ERBB4: variants seen among roughly 807,000 people sequenced by gnomAD.
ERBB4 encodes receptor tyrosine-protein kinase erbB-4.
ERBB4 carries 42 observed loss-of-function variants against 158.0 expected under a neutral mutation model. That is an observed-to-expected ratio of 0.27 (90% CI 0.21 to 0.34). ERBB4 has a LOEUF of 0.34. ERBB4 is among the 10% of genes least tolerant of loss of function. The probability of loss-of-function intolerance (pLI) is 1.00; values close to 1 mark genes in which losing one functional copy is unlikely to be tolerated. For missense variants in ERBB4, 1,333 were observed against 1,624.1 expected (o/e 0.82, Z 3.08); for synonymous variants, 583 against 558.7 (o/e 1.04, Z -0.61).
chr2:212,104,813 A>C (rs1034981971), intron 2 of ERBB4, among the ~76,000 whole-genome samples: 1 of 152,172 alleles, frequency 6.6e-6, no homozygotes, highest in Non-Finnish European at 1.5e-5. Flanking sequence ...TTTTTATTTC[A>C]AAATTGAAAA....
At chr2:212,327,728 C>CTTTTTTTTTTTTTTTTTTT (rs11413473) in intron 1 of ERBB4, among the ~76,000 whole-genome samples, 2 of 133,370 alleles carry the variant, frequency 1.5e-5, no homozygotes, top group Non-Finnish European at 3.1e-5. Flanking sequence ...TTCTTTTTTT[C>CTTTTTTTTTTTTTTTTTTT]TTTTTTTTTT....
intron 2 of ERBB4, among the ~76,000 whole-genome samples, chr2:212,053,686 C>T (rs2077468874): frequency 6.6e-6 from 1 of 152,178 alleles, no homozygotes; most frequent in Admixed American, 6.5e-5. Context: ...CCTCCCCTTC[C>T]AGCTTATGTC....
chr2:212,130,675 T>C (rs2080083457), intron 1 of ERBB4, among the ~76,000 whole-genome samples: 2 of 152,150 alleles, frequency 1.3e-5, no homozygotes, highest in African/African-American at 4.8e-5. Flanking sequence ...ATCAAATGCC[T>C]ATTGCGAGAT....
At chr2:212,476,620 T>C (rs986290090) in intron 1 of ERBB4, among the ~76,000 whole-genome samples, 1 of 152,154 alleles carries the variant, frequency 6.6e-6, no homozygotes, top group Non-Finnish European at 1.5e-5. Context: ...AGTTTTTCCC[T>C]GAAGACGCTA....
intron 1 of ERBB4, among the ~76,000 whole-genome samples, chr2:212,368,853 C>T (rs965405981): frequency 9.2e-5 from 14 of 152,062 alleles, no homozygotes; most frequent in African/African-American, 2.2e-4. Flanking sequence ...CATATGAGCT[C>T]GGTTTTAGTA....
At chr2:212,173,776 G>C (rs1319933165) in intron 1 of ERBB4, among the ~76,000 whole-genome samples, 2 of 152,062 alleles carry the variant, frequency 1.3e-5, no homozygotes, top group Non-Finnish European at 2.9e-5. Context: ...AGAGGGAGCA[G>C]ATAGAGAGAA....
At chr2:212,349,446 G>A (rs1304764363) in intron 1 of ERBB4, among the ~76,000 whole-genome samples, 1 of 152,010 alleles carries the variant, frequency 6.6e-6, no homozygotes, top group African/African-American at 2.4e-5. Context: ...GTATACAATT[G>A]TTACCAATTA....
At chr2:212,228,228 G>A (rs994089353) in intron 1 of ERBB4, among the ~76,000 whole-genome samples, 1 of 152,094 alleles carries the variant, frequency 6.6e-6, no homozygotes, top group Non-Finnish European at 1.5e-5. Flanking sequence ...AAGAAGTATA[G>A]ATAATCATCT....
chr2:211,884,669 CACTT>C (rs2078748500), intron 3 of ERBB4, among the ~76,000 whole-genome samples: 1 of 152,208 alleles, frequency 6.6e-6, no homozygotes, highest in Non-Finnish European at 1.5e-5. Flanking sequence ...CTGTCTGTGA[CACTT>C]GCTTGTCTAG....
chr2:211,543,175 A>T (rs914954939), intron 20 of ERBB4, among the ~76,000 whole-genome samples: 1 of 151,994 alleles, frequency 6.6e-6, no homozygotes, highest in Non-Finnish European at 1.5e-5. Flanking sequence ...TAAATTGTTT[A>T]TCAGCCTTTT....
intron 4 of ERBB4, among the ~76,000 whole-genome samples, chr2:211,772,873 AT>A: frequency 1.6e-5 from 1 of 64,124 alleles, no homozygotes; most frequent in African/African-American, 4.9e-5. Context: ...ATATATACAC[AT>A]ATATATATAT....
chr2:212,023,599 T>C (rs1453518986), intron 2 of ERBB4, among the ~76,000 whole-genome samples: 1 of 152,042 alleles, frequency 6.6e-6, no homozygotes, highest in Admixed American at 6.6e-5. Flanking sequence ...CTCAATTTAT[T>C]AATGAAATAT....
chr2:211,605,564 A>G (rs1160879941), intron 19 of ERBB4, among the ~76,000 whole-genome samples: 2 of 152,106 alleles, frequency 1.3e-5, no homozygotes, highest in Admixed American at 6.6e-5. Flanking sequence ...AATTCACCAC[A>G]TCTGGTTCAA....
chr2:212,159,012 A>G (rs1027800941), intron 1 of ERBB4, among the ~76,000 whole-genome samples: 2 of 152,020 alleles, frequency 1.3e-5, no homozygotes, highest in East Asian at 3.9e-4. Flanking sequence ...CTACATGATG[A>G]GTAAATCATT....
chr2:212,512,028 T>C (rs1295236492), intron 1 of ERBB4, among the ~76,000 whole-genome samples: 5 of 152,140 alleles, frequency 3.3e-5, no homozygotes, highest in Admixed American at 2.0e-4. Context: ...TCCCCTTTCA[T>C]TGATCAGAAT....
chr2:211,485,616 G>T (rs12995574), intron 20 of ERBB4, among the ~76,000 whole-genome samples: 34,689 of 150,622 alleles, frequency 0.23, 4,315 homozygotes, highest in African/African-American at 0.33. Flanking sequence ...TATCTTATAT[G>T]TATGTCTTGT....
chr2:211,453,501 G>A (rs575990693), intron 20 of ERBB4, among the ~76,000 whole-genome samples: 132 of 152,176 alleles, frequency 8.7e-4, no homozygotes, highest in Middle Eastern at 3.4e-3. Context: ...TTTAAAAAGA[G>A]GAAGAGAGAA....
At chr2:212,095,310 T>C (rs953654957) in intron 2 of ERBB4, among the ~76,000 whole-genome samples, 2 of 152,222 alleles carry the variant, frequency 1.3e-5, no homozygotes, top group East Asian at 3.9e-4. Context: ...AACTTGTTCC[T>C]GGCTGATTTG....
chr2:212,500,963 T>C (rs1333367187), intron 1 of ERBB4, among the ~76,000 whole-genome samples: 3 of 135,282 alleles, frequency 2.2e-5, no homozygotes, highest in African/African-American at 1.1e-4. Context: ...GTGATTTTAT[T>C]TGAATGAGAA....
Sources: allele counts gnomAD v4.1 joint callset (sites outside exome capture counted in the v4.1 genomes callset), GRCh38; gene constraint gnomAD v4.1.1; transcripts MANE v1.5; gene names NCBI Gene and HGNC (gene_info 2026-07-23, HGNC 2026-07-21).